The following ZNF599 variants were observed in gnomAD, a reference collection of about 807,000 sequenced individuals.
ZNF599 encodes the protein zinc finger protein 599.
Under a neutral mutation model 11.7 loss-of-function variants are expected in ZNF599, and 10 were observed. That is an observed-to-expected ratio of 0.86 (90% CI 0.53 to 1.45). ZNF599 has a LOEUF of 1.45. Ranked by LOEUF, ZNF599 falls within the 40% of genes most tolerant of loss-of-function variation. The pLI is 0.00. For missense variants in ZNF599, 688 were observed against 713.6 expected (o/e 0.96, Z 0.41); for synonymous variants, 232 against 253.2 (o/e 0.92, Z 0.79).
chr19:34,785,372 C>G, the ZNF599 span, among the ~76,000 whole-genome samples: 2 of 152,266 alleles, frequency 1.3e-5, no homozygotes, highest in Admixed American at 6.5e-5. Context: ...GCCTCTACAG[C>G]CTGCTCTCCT....
rs1222754608 is a variant in ZNF599 at position 34,758,159 on chromosome 19, CAAAT to C, written c.*871_*874del. The C allele has an allele frequency of 6.6e-6, 1 of 152,012 alleles. No individual in the cohort carries two copies. The highest frequency in any genetic ancestry group is 1.5e-5 in the Non-Finnish European group (1 of 67,972). 9.4% of individuals were successfully genotyped at this position (152,012 alleles called of 1,614,324 possible). A position where few individuals can be genotyped will look rare whatever the true frequency, so the allele number is the denominator to read the frequency against. ...AAGTGTCTTTAAACAAACAAACAAACAAATACCCATAGAAGAAGGTTATGTGTTG... is the reference window on the plus strand; with the variant it reads ...AAGTGTCTTTAAACAAACAAACAAACACCCATAGAAGAAGGTTATGTGTTG... On this transcript the variant is annotated 3_prime_UTR_variant, in exon 4 of 4. Coordinates refer to ENST00000329285, the MANE Select transcript of ZNF599 (RefSeq NM_001007248.3).
chr19:34,800,678 C>A, the ZNF599 span, among the ~76,000 whole-genome samples: 45 of 145,426 alleles, frequency 3.1e-4, no homozygotes, highest in African/African-American at 1.1e-3. Context: ...TCACTGCAAC[C>A]TCTGCCCCCC....
At chr19:34,787,219 TATC>T in the ZNF599 span, among the ~76,000 whole-genome samples, 53,655 of 148,364 alleles carry the variant, frequency 0.36, 9,896 homozygotes, top group Non-Finnish European at 0.39. Context: ...CGGCTATTTT[TATC>T]ATCATCATCA....
intron 3 of ZNF599, chr19:34,765,418 T>C (rs1387733444): frequency 1.1e-5 from 7 of 618,134 alleles, no homozygotes; most frequent in African/African-American, 7.3e-5. Context: ...GAGCTGCCTA[T>C]GACACGCCTG....
In ZNF599 at chr19:34,760,458, C is replaced by A. The variant is rs147954441; in HGVS notation, c.343G>T (p.Asp115Tyr). The part of the protein sequence containing the change: ...QELLAQRSSR[D>Y]SRLGQARDEE... The stretch of plus-strand genomic sequence containing the variant: ...TCTCTAGCTTGCCCCAACCTGGAAT[C>A]TCTTGAGGATCTCTGTGCCAGAAGT... Residue 115 changes from aspartate to tyrosine, a missense_variant, in exon 4 of 4, where the codon GAT becomes TAT. Asp to Tyr is a radical substitution (Grantham distance 160). Coordinates refer to ENST00000329285, the MANE Select transcript of ZNF599 (RefSeq NM_001007248.3). The A allele has an allele frequency of 6.2e-7, 1 of 1,614,194 alleles. No individual in the cohort carries two copies.
rs2069083522 is a variant in ZNF599 at position 34,758,172 on chromosome 19, AAG to A, written c.*860_*861del. 6.6e-6 allele frequency: 1 copy of A among 152,234 alleles called. No homozygotes were observed. The highest frequency in any genetic ancestry group is 1.5e-5 in the Non-Finnish European group (1 of 68,042). The allele number at this position is 152,234 out of a possible 1,614,324, so 9.4% of individuals were successfully genotyped here. On this transcript the variant is annotated 3_prime_UTR_variant, in exon 4 of 4. Coordinates refer to ENST00000329285, the MANE Select transcript of ZNF599 (RefSeq NM_001007248.3). ...CAAACAAACAAACAAATACCCATAG[AAG>A]AAGGTTATGTGTTGACTGGTTGATA... is the stretch of plus-strand genomic sequence containing the variant.
the ZNF599 span, among the ~76,000 whole-genome samples, chr19:34,780,862 A>T: frequency 6.6e-6 from 1 of 152,000 alleles, no homozygotes; most frequent in Admixed American, 6.5e-5. Context: ...AGAAAAGAGA[A>T]AGAAAAGGAA....
rs1568492137 is a variant in ZNF599, at chr19:34,760,001, C to T, written c.800G>A (p.Arg267Lys). ...CIECGKAFKR[R>K]FHLTEHQRIH... ...ACGCTGGTGCTCCGTGAGGTGAAAC[C>T]TGCGTTTGAAGGCTTTCCCACACTC... is the stretch of plus-strand genomic sequence containing the variant. The change falls in exon 4 of 4, where the codon AGG becomes AAG. Residue 267 changes from arginine to lysine, a missense_variant. By Grantham distance (26) the Arg-to-Lys change is conservative (BLOSUM62 2). Coordinates refer to ENST00000329285, the MANE Select transcript of ZNF599 (RefSeq NM_001007248.3). The T allele has an allele frequency of 6.2e-7, 1 of 1,614,122 alleles. No individual in the cohort carries two copies. The highest frequency in any genetic ancestry group is 8.5e-7 in the Non-Finnish European group (1 of 1,180,034).
chr19:34,769,412 G>C lies in ZNF599; in HGVS notation c.145+17C>G. 6.2e-7 allele frequency: 1 copy of C among 1,614,040 alleles called. No individual in the cohort carries two copies. Among genetic ancestry groups the C allele is most frequent in the Non-Finnish European group, 8.5e-7 (1 of 1,179,968 alleles). On this transcript the variant is annotated intron_variant, in intron 2 of 3. Transcript: ENST00000329285. ...GAGGCTGTGGGTCCCCTACATGGGAGGGTAATGAGGTCTTACCCAGTGAGA... is the reference window on the plus strand; with the variant it reads ...GAGGCTGTGGGTCCCCTACATGGGACGGTAATGAGGTCTTACCCAGTGAGA...
chr19:34,760,064 A>C lies in ZNF599; in HGVS notation c.737T>G (p.Met246Arg), dbSNP rs777538157. The C allele has an allele frequency of 2.5e-6, 4 of 1,613,966 alleles. No individual in the cohort carries two copies. In the Admixed American group the frequency reaches 5.0e-5, roughly 20 times the overall value. The part of the protein sequence containing the change: ...CRYMADVIRH[M>R]RLHTGEKPYK... Reference sequence around the variant, plus strand: ...TGGTTTTTCCCCAGTATGAAGCCTCATATGTCGAATGACATCAGCCATATA... The same window carrying C: ...TGGTTTTTCCCCAGTATGAAGCCTCCTATGTCGAATGACATCAGCCATATA... Residue 246 changes from methionine to arginine, a missense_variant, in exon 4 of 4, where the codon ATG becomes AGG. By Grantham distance (91) the Met-to-Arg change is moderately conservative. Coordinates refer to ENST00000329285, the MANE Select transcript of ZNF599 (RefSeq NM_001007248.3).
chr19:34,796,865 G>A, the ZNF599 span, among the ~76,000 whole-genome samples: 1 of 152,132 alleles, frequency 6.6e-6, no homozygotes, highest in African/African-American at 2.4e-5. Flanking sequence ...GCACAAAACG[G>A]CTATGGGTAG....
the ZNF599 span, among the ~76,000 whole-genome samples, chr19:34,803,413 G>T: frequency 0.099 from 14,991 of 152,108 alleles, 1,181 homozygotes; most frequent in East Asian, 0.26. Context: ...TAGGAGTTTC[G>T]GAACATCATC....
At chr19:34,764,307 T>C (rs1004484561) in intron 3 of ZNF599, 3 of 152,178 alleles carry the variant, frequency 2.0e-5, no homozygotes, top group Non-Finnish European at 4.4e-5. Context: ...CATGGAACAA[T>C]GAAGACTCTC....
chr19:34,802,148 A>G, the ZNF599 span, among the ~76,000 whole-genome samples: 152 of 152,340 alleles, frequency 1.0e-3, 1 homozygote, highest in East Asian at 0.019. Context: ...GAGAAGGGGC[A>G]CTGACATCAC....
chr19:34,804,220 G>T, the ZNF599 span, among the ~76,000 whole-genome samples: 1 of 152,190 alleles, frequency 6.6e-6, no homozygotes, highest in African/African-American at 2.4e-5. Context: ...CTATCCTGGC[G>T]AGTCCGTAGA....
upstream of ZNF599, among the ~76,000 whole-genome samples, chr19:34,773,677 C>T (rs766471387): frequency 2.7e-5 from 4 of 150,846 alleles, no homozygotes; most frequent in Admixed American, 6.6e-5. Context: ...AGTTCTTAGT[C>T]CCCACCCACT....
At chr19:34,787,558 G>C in the ZNF599 span, among the ~76,000 whole-genome samples, 11 of 152,272 alleles carry the variant, frequency 7.2e-5, no homozygotes, top group African/African-American at 2.6e-4. Flanking sequence ...ATTGCCCTCT[G>C]GCCAAAGTGG....
At position 34,769,471 on chromosome 19, in the gene ZNF599, G is replaced by A; in HGVS notation, c.103C>T (p.Gln35Ter). 6.2e-7 allele frequency: 1 copy of A among 1,614,178 alleles called. No homozygotes were observed. The highest frequency in any genetic ancestry group is 8.5e-7 in the Non-Finnish European group (1 of 1,180,020). ...HLDLAQRTLYQEVMLETCRLL... is the reference protein window; with the variant it reads ...HLDLAQRTLY ...CTGCAGGTCTCCAGCATCACCTCCTGGTACAGGGTCCTCTGGGCCAGGTCC... is the reference window on the plus strand; with the variant it reads ...CTGCAGGTCTCCAGCATCACCTCCTAGTACAGGGTCCTCTGGGCCAGGTCC... The change falls in exon 2 of 4, where the codon CAG (glutamine) becomes TAG (stop). Residue 35 changes from glutamine (Q) to a stop codon, truncating the protein, a stop_gained. Transcript: ENST00000329285. LOFTEE classifies it high-confidence loss of function.
chr19:34,758,907 T>C lies in ZNF599; in HGVS notation c.*127A>G, dbSNP rs914507938. ...AATTCTGTTTCTAGTTAGTATAAAT[T>C]ATCAGATACTAAGACATCTCTCTGG... On this transcript the variant is annotated 3_prime_UTR_variant, in exon 4 of 4. Coordinates refer to ENST00000329285, the MANE Select transcript of ZNF599 (RefSeq NM_001007248.3). 1.0e-5 allele frequency: 9 copies of C among 881,594 alleles called. No individual in the cohort carries two copies. The highest frequency in any genetic ancestry group is 1.6e-5 in the Non-Finnish European group (9 of 576,156). The allele number at this position is 881,594 out of a possible 1,614,324, so 54.6% of individuals were successfully genotyped here. A position where few individuals can be genotyped will look rare whatever the true frequency, so the allele number is the denominator to read the frequency against.
Sources: allele counts gnomAD v4.1 joint callset (sites outside exome capture counted in the v4.1 genomes callset), GRCh38; gene constraint gnomAD v4.1.1; transcripts MANE v1.5; gene names NCBI Gene and HGNC (gene_info 2026-07-23, HGNC 2026-07-21).